Variants in ADCY1 observed in about 807,000 individuals in gnomAD.
ADCY1 encodes the protein adenylate cyclase type 1.
ADCY1 carries 28 observed loss-of-function variants against 105.4 expected under a neutral mutation model. That is an observed-to-expected ratio of 0.27 (90% CI 0.20 to 0.36). The LOEUF (loss-of-function observed/expected upper bound fraction) is 0.36. Among genes scored for constraint, ADCY1 ranks in the 10% least tolerant of loss-of-function variants. The pLI is 1.00. For missense variants in ADCY1, 977 were observed against 1,434.2 expected (o/e 0.68, Z 5.15); for synonymous variants, 655 against 623.8 (o/e 1.05, Z -0.75).
At chr7:45,654,616 T>A (rs930564123) in intron 5 of ADCY1, among the ~76,000 whole-genome samples, 3 of 152,226 alleles carry the variant, frequency 2.0e-5, no homozygotes, top group African/African-American at 4.8e-5. Context: ...GTGTGCCACA[T>A]GGAGCATGCT....
intron 3 of ADCY1, among the ~76,000 whole-genome samples, chr7:45,618,929 C>T (rs1327479861): frequency 6.6e-6 from 1 of 152,174 alleles, no homozygotes; most frequent in African/African-American, 2.4e-5. Context: ...TATTGCAGCA[C>T]TATTCACAGT....
intron 14 of ADCY1, among the ~76,000 whole-genome samples, chr7:45,689,830 G>A (rs1398614131): frequency 2.0e-5 from 3 of 152,192 alleles, no homozygotes; most frequent in Non-Finnish European, 2.9e-5. Flanking sequence ...GGCCTTGTGC[G>A]ATGCTTCAGA....
chr7:45,713,480 G>A (rs1785305285), intron 19 of ADCY1, among the ~76,000 whole-genome samples: 1 of 152,230 alleles, frequency 6.6e-6, no homozygotes, highest in Admixed American at 6.5e-5. Flanking sequence ...GGTTGTCTTT[G>A]CAGGGCTGTG....
At chr7:45,678,093 G>A in intron 9 of ADCY1, 30 bp downstream of exon 9, 1 of 1,613,814 alleles carries the variant, frequency 6.2e-7, no homozygotes, top group South Asian at 1.1e-5. Context: ...GGCTTCCCTG[G>A]TGCTGCTTGC....
intron 1 of ADCY1, among the ~76,000 whole-genome samples, chr7:45,589,317 C>T (rs1002849702): frequency 6.6e-6 from 1 of 152,108 alleles, no homozygotes; most frequent in Non-Finnish European, 1.5e-5. Flanking sequence ...TGGTGGTGTG[C>T]AGATGGCCCG....
At position 45,622,236 on chromosome 7, in the gene ADCY1, A is replaced by G. The variant is rs552332605; in HGVS notation, c.909-396A>G. 2.6e-5 allele frequency among the ~76,000 whole-genome samples: 4 copies of G among 152,200 alleles called. No homozygotes were observed. The South Asian group carries it at 8.3e-4, about 32-fold the overall frequency. ...GCAGAAGGGGAAAATTAGGATGTGG[A>G]GGGGCCCACATGCTGAAAAGCACAT... is the stretch of plus-strand genomic sequence containing the variant. On this transcript the variant is annotated intron_variant, in intron 3 of 19. Coordinates refer to ENST00000297323, the MANE Select transcript of ADCY1 (RefSeq NM_021116.4).
chr7:45,669,329 A>G (rs1424853496), intron 8 of ADCY1, among the ~76,000 whole-genome samples: 1 of 151,900 alleles, frequency 6.6e-6, no homozygotes. Context: ...GGTATGTTGT[A>G]TCTTTGTTCT....
At chr7:45,603,199 A>T (rs1793286174) in intron 2 of ADCY1, among the ~76,000 whole-genome samples, 2 of 152,198 alleles carry the variant, frequency 1.3e-5, no homozygotes, top group Admixed American at 1.3e-4. Flanking sequence ...CATTTTGTTT[A>T]TCTGTTCACG....
At chr7:45,682,902 C>T (rs1272061116) in intron 11 of ADCY1, among the ~76,000 whole-genome samples, 2 of 152,124 alleles carry the variant, frequency 1.3e-5, no homozygotes, top group Non-Finnish European at 2.9e-5. Flanking sequence ...GGAGCCTCAC[C>T]GCACAGAGGG....
In ADCY1 at chr7:45,575,889, G is replaced by A. The variant is rs1018627095; in HGVS notation, c.639+707G>A. ...GCGAGATGGTTGCAAGGACGGGGAC[G>A]CTGTCTGCCTCCCGCGGACTCTTCC... On this transcript the variant is annotated intron_variant, in intron 1 of 19. Transcript: ENST00000297323. The surrounding 1 kb of genome is among the most constrained non-coding windows in gnomAD (Gnocchi z 4.7). Among the ~76,000 whole-genome samples, 1 of 152,252 alleles carries A rather than the reference G, an allele frequency of 6.6e-6. No homozygotes were observed. Among genetic ancestry groups the A allele is most frequent in the African/African-American group, 2.4e-5 (1 of 41,472 alleles).
intron 6 of ADCY1, among the ~76,000 whole-genome samples, chr7:45,659,619 C>A (rs746372343): frequency 1.1e-4 from 17 of 152,214 alleles, no homozygotes; most frequent in Non-Finnish European, 2.5e-4. Flanking sequence ...TCTTGCTACC[C>A]AGTGGGGTCT....
At position 45,668,891 on chromosome 7, in the gene ADCY1, C is replaced by A. The variant is rs1007920768; in HGVS notation, c.1605+6677C>A. Among the ~76,000 whole-genome samples, 36 of 152,316 alleles carry A rather than the reference C, an allele frequency of 2.4e-4. No individual in the cohort carries two copies. In the East Asian group the frequency reaches 3.9e-3, roughly 16 times the overall value. The stretch of plus-strand genomic sequence containing the variant: ...TATGTGTCTAGGAATTTATCCATTT[C>A]TTCTAGATTTTCTAGTTTATTTGCG... On this transcript the variant is annotated intron_variant, in intron 8 of 19. Coordinates refer to ENST00000297323, the MANE Select transcript of ADCY1 (RefSeq NM_021116.4).
intron 4 of ADCY1, among the ~76,000 whole-genome samples, chr7:45,637,201 C>G (rs1794414456): frequency 6.6e-6 from 1 of 152,278 alleles, no homozygotes; most frequent in South Asian, 2.1e-4. Context: ...AAGAAACTTA[C>G]AATTATATAC....
intron 14 of ADCY1, among the ~76,000 whole-genome samples, chr7:45,688,672 A>G (rs1439242988): frequency 2.0e-5 from 3 of 152,316 alleles, no homozygotes; most frequent in African/African-American, 4.8e-5. Flanking sequence ...CTATATGTGT[A>G]TCTATATACA....
At chr7:45,585,965 ATCT>A (rs940729059) in intron 1 of ADCY1, among the ~76,000 whole-genome samples, 10 of 151,782 alleles carry the variant, frequency 6.6e-5, no homozygotes, top group African/African-American at 2.4e-4. Context: ...TCATTCATTG[ATCT>A]TCTGGGCAGG....
intron 7 of ADCY1, among the ~76,000 whole-genome samples, chr7:45,660,499 G>A (rs1795065773): frequency 6.6e-6 from 1 of 152,252 alleles, no homozygotes; most frequent in African/African-American, 2.4e-5. Context: ...AACCCCGCAG[G>A]GGGGCCAGGG....
intron 8 of ADCY1, 90 bp from the exon 9 acceptor site, chr7:45,677,779 C>T: frequency 7.2e-7 from 1 of 1,393,114 alleles, no homozygotes; most frequent in Non-Finnish European, 9.8e-7. Flanking sequence ...CCCCACCCTG[C>T]AGCGGATCTG....
At chr7:45,577,086 G>C (rs1792371387) in intron 1 of ADCY1, among the ~76,000 whole-genome samples, 1 of 152,098 alleles carries the variant, frequency 6.6e-6, no homozygotes. Flanking sequence ...TCACTGTAGT[G>C]GGGAAGGAAG....
At chr7:45,648,568 A>G in intron 4 of ADCY1, 102 bp from the exon 5 acceptor site, 3 of 1,510,310 alleles carry the variant, frequency 2.0e-6, no homozygotes, top group Non-Finnish European at 2.7e-6. Flanking sequence ...ATGTCTTGCC[A>G]GCGCTCTGTG....
Sources: gnomAD v4.1 joint callset for allele counts (sites outside exome capture counted in the v4.1 genomes callset) on GRCh38, gnomAD v4.1.1 for gene constraint, Gnocchi (gnomAD v3.1) non-coding constraint, MANE v1.5 for transcripts, NCBI Gene and HGNC (gene_info 2026-07-23, HGNC 2026-07-21) for gene names.